Variants in TGOLN2 observed in about 807,000 individuals in gnomAD.
TGOLN2 encodes the protein trans-golgi network protein 2, also known as trans-Golgi network integral membrane protein 2.
A neutral mutation model predicts 31.3 loss-of-function variants in TGOLN2; 19 were observed. The observed-to-expected ratio is 0.61, with a 90% CI of 0.42 to 0.89. The LOEUF is 0.89. Ranked by LOEUF, TGOLN2 falls within the 40% of genes least tolerant of loss-of-function variation. The pLI, the probability that TGOLN2 is intolerant of heterozygous loss-of-function variation, is 0.00. For synonymous variants in TGOLN2, 222 were observed against 226.7 expected (o/e 0.98, Z 0.19); for missense variants, 540 against 559.2 (o/e 0.97, Z 0.35).
intron 3 of TGOLN2, among the ~76,000 whole-genome samples, chr2:85,323,742 C>G (rs1280269110): frequency 6.6e-6 from 1 of 152,172 alleles, no homozygotes; most frequent in Non-Finnish European, 1.5e-5. Flanking sequence ...AATCGTGTTC[C>G]CTGCAGGAAG....
Position 85,327,264 on chromosome 2 carries a change from C to T in TGOLN2, c.468G>A (p.Ala156=). 1 of 1,612,418 alleles carries T rather than the reference C, an allele frequency of 6.2e-7. No individual in the cohort carries two copies. The highest frequency in any genetic ancestry group is 2.2e-5 in the East Asian group (1 of 44,826). Residue 156 remains alanine, a synonymous_variant, in exon 2 of 4, where the codon GCG becomes GCA. Transcript: ENST00000377386. ...TPEDSPNRSG[A]EAKTQKDSPS... ...GGCTGTCTTTTTGGGTCTTTGCCTC[C>T]GCACCCGACCTGTTGGGGCTGTCTT... is the stretch of plus-strand genomic sequence containing the variant.
In TGOLN2 at chr2:85,319,878, G is replaced by C. The variant is rs1426141776; in HGVS notation, c.*2858C>G. The C allele has an allele frequency of 6.6e-6, 1 of 152,290 alleles. No homozygotes were observed. The highest frequency in any genetic ancestry group is 2.1e-4 in the South Asian group (1 of 4,832). The allele number at this position is 152,290 out of a possible 1,614,324, so 9.4% of individuals were successfully genotyped here. ...TTAGTTTTCTTAGGGAGACCAGAAA[G>C]ACATCAGATCCTGACTGCCCTGTTT... On this transcript the variant is annotated 3_prime_UTR_variant, in exon 4 of 4. Coordinates refer to ENST00000377386, the MANE Select transcript of TGOLN2 (RefSeq NM_006464.4).
chr2:85,320,589 T>C lies in TGOLN2; in HGVS notation c.*2147A>G, dbSNP rs1219953815. The C allele has an allele frequency of 6.6e-6, 1 of 152,230 alleles. No homozygotes were observed. Among genetic ancestry groups the C allele is most frequent in the Non-Finnish European group, 1.5e-5 (1 of 68,058 alleles). 9.4% of individuals were successfully genotyped at this position (152,230 alleles called of 1,614,324 possible). A position where few individuals can be genotyped will look rare whatever the true frequency, so the allele number is the denominator to read the frequency against. ...GACAGAAGAGAGAAATTCCTTTCAA[T>C]GACAACCAAGCTGAACTATTCGATA... On this transcript the variant is annotated 3_prime_UTR_variant, in exon 4 of 4. Coordinates refer to ENST00000377386, the MANE Select transcript of TGOLN2 (RefSeq NM_006464.4).
In TGOLN2 at chr2:85,319,822, A is replaced by G. The variant is rs1285369576; in HGVS notation, c.*2914T>C. On this transcript the variant is annotated 3_prime_UTR_variant, in exon 4 of 4. Transcript: ENST00000377386. ...AAGGTCACCATGATCAGCAGATAGGAAAGCATTGCCAAGGGCTGTCCCTCA... is the reference window on the plus strand; with the variant it reads ...AAGGTCACCATGATCAGCAGATAGGGAAGCATTGCCAAGGGCTGTCCCTCA... 6.6e-6 allele frequency: 1 copy of G among 152,238 alleles called. No individual in the cohort carries two copies. Among genetic ancestry groups the G allele is most frequent in the Non-Finnish European group, 1.5e-5 (1 of 68,060 alleles). The allele number at this position is 152,238 out of a possible 1,614,324, so 9.4% of individuals were successfully genotyped here. A position where few individuals can be genotyped will look rare whatever the true frequency, so the allele number is the denominator to read the frequency against.
chr2:85,327,654 G>A lies in TGOLN2; in HGVS notation c.78C>T (p.Val26=). 6.2e-7 allele frequency: 1 copy of A among 1,613,046 alleles called. No individual in the cohort carries two copies. Among genetic ancestry groups the A allele is most frequent in the Admixed American group, 1.7e-5 (1 of 59,938 alleles). ...GAVPLLATES[V]KQEEAGVRPS... ...GCCGTACTCCAGCTTCTTCTTGCTT[G>A]ACGCTTTCGGTGGCCAAGAGCGGCA... Residue 26 remains valine, a synonymous_variant, in exon 2 of 4, where the codon GTC becomes GTT. Transcript: ENST00000377386.
chr2:85,326,090 C>T (rs981422220), intron 2 of TGOLN2, among the ~76,000 whole-genome samples: 2 of 152,120 alleles, frequency 1.3e-5, no homozygotes, highest in East Asian at 3.9e-4. Flanking sequence ...TTCTTTGTGC[C>T]ACTGCTGATG....
chr2:85,327,923 C>A lies in TGOLN2; in HGVS notation c.40G>T (p.Ala14Ser), dbSNP rs1682818182. 6.2e-7 allele frequency: 1 copy of A among 1,603,448 alleles called. No individual in the cohort carries two copies. Among genetic ancestry groups the A allele is most frequent in the Admixed American group, 1.7e-5 (1 of 58,684 alleles). Residue 14 changes from alanine to serine, a missense_variant, in exon 1 of 4, where the codon GCG (alanine) becomes TCG (serine). Transcript: ENST00000377386. ...VVALVLLNVA[A>S]AGAVPLLATE... is the part of the protein sequence containing the mutation. ...GCGGGATGGAGGGTCTTACCCGCCG[C>A]TGCGACGTTCAGGAGGACCAAGGCA...
Position 85,322,639 on chromosome 2 carries a change from G to C in TGOLN2, c.*97C>G. 6.3e-7 allele frequency: 1 copy of C among 1,587,864 alleles called. No homozygotes were observed. The highest frequency in any genetic ancestry group is 8.5e-7 in the Non-Finnish European group (1 of 1,171,836). On this transcript the variant is annotated 3_prime_UTR_variant, in exon 4 of 4. Coordinates refer to ENST00000377386, the MANE Select transcript of TGOLN2 (RefSeq NM_006464.4). The stretch of plus-strand genomic sequence containing the variant: ...TGATTTAGAAACAAATCAGCAGGGA[G>C]GACAAGGTTCTCAAGGACAAAAAAA...
chr2:85,326,926 G>C lies in TGOLN2; in HGVS notation c.806C>G (p.Pro269Arg), dbSNP rs1682753971. Residue 269 changes from proline (P) to arginine (R), a missense_variant, in exon 2 of 4, where the codon CCT (proline) becomes CGT (arginine). Physicochemically the swap from Pro to Arg is moderately radical, Grantham distance 103. Coordinates refer to ENST00000377386, the MANE Select transcript of TGOLN2 (RefSeq NM_006464.4). Reference protein sequence around the residue: ...RKDHSKPISNPSDNKELPKAD... With the variant: ...RKDHSKPISNRSDNKELPKAD... ...CTTGGGGAGCTCCTTGTTATCAGAA[G>C]GGTTGGAGATGGGCTTGGAATGGTC... The C allele has an allele frequency of 1.2e-6, 2 of 1,613,868 alleles. No individual in the cohort carries two copies. The highest frequency in any genetic ancestry group is 2.2e-5 in the South Asian group (2 of 91,092).
intron 3 of TGOLN2, 110 bp from the exon 4 acceptor site, chr2:85,322,851 T>TTA (rs1305576684): frequency 1.3e-6 from 2 of 1,527,506 alleles, no homozygotes; most frequent in African/African-American, 2.8e-5. Context: ...CACAAAATGA[T>TTA]TTTTAAAGTT....
rs1682586642 is a variant in TGOLN2 at position 85,322,639 on chromosome 2, G to A, written c.*97C>T. 1.3e-6 allele frequency: 2 copies of A among 1,587,864 alleles called. No homozygotes were observed. The highest frequency in any genetic ancestry group is 1.7e-6 in the Non-Finnish European group (2 of 1,171,836). On this transcript the variant is annotated 3_prime_UTR_variant, in exon 4 of 4. Transcript: ENST00000377386. ...TGATTTAGAAACAAATCAGCAGGGAGGACAAGGTTCTCAAGGACAAAAAAA... is the reference window on the plus strand; with the variant it reads ...TGATTTAGAAACAAATCAGCAGGGAAGACAAGGTTCTCAAGGACAAAAAAA...
At position 85,327,522 on chromosome 2, in the gene TGOLN2, C is replaced by A; in HGVS notation, c.210G>T (p.Ser70=). ...CTTCTGGGGTCTGCGCCTCCGCACT[C>A]GACTTGCTAGGGCTGTCTTTTGGAG... ...PQTPKDSPSK[S]SAEAQTPEDT... The change falls in exon 2 of 4, where the codon TCG becomes TCT. Residue 70 remains serine, a synonymous_variant. Coordinates refer to ENST00000377386, the MANE Select transcript of TGOLN2 (RefSeq NM_006464.4). 3 of 1,613,854 alleles carry A rather than the reference C, an allele frequency of 1.9e-6. No individual in the cohort carries two copies. The highest frequency in any genetic ancestry group is 2.5e-6 in the Non-Finnish European group (3 of 1,179,854).
chr2:85,327,322 G>C lies in TGOLN2; in HGVS notation c.410C>G (p.Thr137Ser), dbSNP rs760407707. 3 of 1,611,016 alleles carry C rather than the reference G, an allele frequency of 1.9e-6. No homozygotes were observed. Among genetic ancestry groups the C allele is most frequent in the South Asian group, 2.2e-5 (2 of 91,008 alleles). The change falls in exon 2 of 4, where the codon ACT becomes AGT. Residue 137 changes from threonine (T) to serine (S), a missense_variant. Coordinates refer to ENST00000377386, the MANE Select transcript of TGOLN2 (RefSeq NM_006464.4). ...CTGCGCCTCCGCACCCGATTTGCCA[G>C]TGCTGTCTTTTGGAGTCTGCAGCTC... ...HPELQTPKDS[T>S]GKSGAEAQTP...
At chr2:85,326,421 G>T in intron 2 of TGOLN2, 87 bp downstream of exon 2, 1 of 1,317,588 alleles carries the variant, frequency 7.6e-7, no homozygotes, top group Non-Finnish European at 1.1e-6. Context: ...GTGCTCACGG[G>T]CATCTAGTGA....
Position 85,319,072 on chromosome 2 carries a change from C to T in TGOLN2, c.*3664G>A, listed in dbSNP as rs1682462981. ...GCCTCAGCCAGCTCACCCTCATCCA[C>T]ACAATCGCTAGAAAACATGCTTCAA... On this transcript the variant is annotated 3_prime_UTR_variant, in exon 4 of 4. Transcript: ENST00000377386. 1.3e-5 allele frequency: 2 copies of T among 152,194 alleles called. No homozygotes were observed. Among genetic ancestry groups the T allele is most frequent in the African/African-American group, 2.4e-5 (1 of 41,452 alleles). The allele number at this position is 152,194 out of a possible 1,614,324, so 9.4% of individuals were successfully genotyped here.
chr2:85,323,558 T>C (rs1682621769), intron 3 of TGOLN2, among the ~76,000 whole-genome samples: 1 of 152,130 alleles, frequency 6.6e-6, no homozygotes, highest in African/African-American at 2.4e-5. Context: ...ACAGCAAGAC[T>C]CCGTCTCAAA....
At chr2:85,324,798 C>T in intron 3 of TGOLN2, 117 bp downstream of exon 3, 1 of 892,430 alleles carries the variant, frequency 1.1e-6, no homozygotes, top group Non-Finnish European at 1.8e-6. Flanking sequence ...GCAACAGCAA[C>T]CGCATCCCCA....
In TGOLN2 at chr2:85,327,402, G is replaced by C; in HGVS notation, c.330C>G (p.Ser110Arg). The stretch of plus-strand genomic sequence containing the variant: ...TGGTCTGCGCCTCCGAACCCGACTT[G>C]CTAGTGCTGCCTTTTTGGGTCTTTG... ...AEAKTQKGST[S>R]KSGSEAQTTK... is the part of the protein sequence containing the mutation. Residue 110 changes from serine to arginine, a missense_variant, in exon 2 of 4, where the codon AGC becomes AGG. Ser to Arg is a moderately radical substitution (Grantham distance 110, BLOSUM62 -1). Transcript: ENST00000377386. The C allele has an allele frequency of 6.2e-7, 1 of 1,612,256 alleles. No homozygotes were observed. Among genetic ancestry groups the C allele is most frequent in the Non-Finnish European group, 8.5e-7 (1 of 1,179,562 alleles).
chr2:85,321,521 A>G lies in TGOLN2; in HGVS notation c.*1215T>C, dbSNP rs1453660982. 6.5e-6 allele frequency: 1 copy of G among 152,672 alleles called. No individual in the cohort carries two copies. Among genetic ancestry groups the G allele is most frequent in the African/African-American group, 2.4e-5 (1 of 41,464 alleles). 9.5% of individuals were successfully genotyped at this position (152,672 alleles called of 1,614,324 possible). A position where few individuals can be genotyped will look rare whatever the true frequency, so the allele number is the denominator to read the frequency against. ...GCGGTAGAGCATGATTAGAAAAGAT[A>G]AACCTTCAAACAATAGTGTTGTCCA... On this transcript the variant is annotated 3_prime_UTR_variant, in exon 4 of 4. Coordinates refer to ENST00000377386, the MANE Select transcript of TGOLN2 (RefSeq NM_006464.4).
Sources: allele counts gnomAD v4.1 joint callset (sites outside exome capture counted in the v4.1 genomes callset), GRCh38; gene constraint gnomAD v4.1.1; transcripts MANE v1.5; gene names NCBI Gene and HGNC (gene_info 2026-07-23, HGNC 2026-07-21).